Variants in PPP1R3F observed in about 807,000 individuals in gnomAD.
PPP1R3F encodes protein phosphatase 1, regulatory (inhibitor) subunit 3F.
In PPP1R3F, 29 loss-of-function variants were observed where a neutral mutation model predicts 24.2. That is an observed-to-expected ratio of 1.20 (90% confidence interval 0.89 to 1.63). The LOEUF is 1.63. Ranked by LOEUF, PPP1R3F falls within the 40% of genes most tolerant of loss-of-function variation. The pLI, the probability that PPP1R3F is intolerant of heterozygous loss-of-function variation, is 0.00. For synonymous variants in PPP1R3F, 363 were observed against 340.1 expected (o/e 1.07, Z -0.74); for missense variants, 823 against 729.3 (o/e 1.13, Z -1.48).
rs2066297313 is a variant in PPP1R3F, at chrX:49,287,863, CA to C, written c.*775del. The C allele has an allele frequency of 9.0e-6, 1 of 110,761 alleles. No individual in the cohort carries two copies. Among genetic ancestry groups the C allele is most frequent in the Non-Finnish European group, 1.9e-5 (1 of 52,973 alleles). 9.1% of individuals were successfully genotyped at this position (110,761 alleles called of 1,213,427 possible). On this transcript the variant is annotated 3_prime_UTR_variant, in exon 4 of 4. Transcript: ENST00000055335. ...GGGGACATCAGTTGTGAATCAGCCA[CA>C]AGGTTTTGAGGTTACTGAAAAAACA...
intron 1 of PPP1R3F, among the ~76,000 whole-genome samples, chrX:49,272,841 G>T (rs1005245380): frequency 1.1e-4 from 12 of 112,088 alleles, no homozygotes; most frequent in Non-Finnish European, 2.1e-4. Context: ...GAGACAGGTA[G>T]CTCAGAGAGA....
At chrX:49,293,812 A>T (rs1266313403) in intron 3 of PPP1R3F, among the ~76,000 whole-genome samples, 1 of 111,891 alleles carries the variant, frequency 8.9e-6, no homozygotes, top group Non-Finnish European at 1.9e-5. Context: ...CCTGAGCAAC[A>T]TGGAGAACCC....
chrX:49,291,263 A>G (rs2066307147), downstream of PPP1R3F, among the ~76,000 whole-genome samples: 1 of 94,711 alleles, frequency 1.1e-5, no homozygotes, highest in African/African-American at 3.7e-5. Flanking sequence ...TTGGGATTAC[A>G]GGCATGAGCA....
At chrX:49,283,281 G>T (rs1486095086) in intron 3 of PPP1R3F, among the ~76,000 whole-genome samples, 1 of 107,706 alleles carries the variant, frequency 9.3e-6, no homozygotes, top group East Asian at 2.9e-4. Flanking sequence ...TTTTGAGACA[G>T]AGTCTCACTC....
chrX:49,269,817 C>CTGCCCCCGCCGG lies in PPP1R3F; in HGVS notation c.-51_-40dup, dbSNP rs1186747394. Reference sequence around the variant, plus strand: ...CATTGGCTGCCCGCCCCTTCAGGCCCTGCCCCCGCCGGTCCCGCCGCCGGT... The same window carrying CTGCCCCCGCCGG: ...CATTGGCTGCCCGCCCCTTCAGGCCCTGCCCCCGCCGGTGCCCCCGCCGGTCCCGCCGCCGGT... On this transcript the variant is annotated 5_prime_UTR_variant, in exon 1 of 4. Coordinates refer to ENST00000055335, the MANE Select transcript of PPP1R3F (RefSeq NM_033215.5). The CTGCCCCCGCCGG allele has an allele frequency of 4.3e-5, 34 of 794,519 alleles. No homozygotes were observed. Among genetic ancestry groups the CTGCCCCCGCCGG allele is most frequent in the Non-Finnish European group, 6.2e-6 (4 of 643,510 alleles). 65.5% of individuals were successfully genotyped at this position (794,519 alleles called of 1,213,427 possible).
At chrX:49,300,477 G>GCT (rs2066334281) in intron 3 of PPP1R3F, among the ~76,000 whole-genome samples, 1 of 70,390 alleles carries the variant, frequency 1.4e-5, no homozygotes, top group Non-Finnish European at 2.4e-5. Flanking sequence ...TATTGCTGCT[G>GCT]TTTTTTTTTT....
At position 49,282,333 on chromosome X, in the gene PPP1R3F, G is replaced by A. The variant is rs142925282; in HGVS notation, c.1143+270G>A. Among the ~76,000 whole-genome samples the A allele has an allele frequency of 2.7e-3, 307 of 111,664 alleles. 1 individual carries two copies. Among genetic ancestry groups the A allele is most frequent in the Non-Finnish European group, 4.6e-3 (242 of 53,084 alleles). On this transcript the variant is annotated intron_variant, in intron 3 of 3. Transcript: ENST00000055335. ...ACATGCAAAAACGCTCTTTGAGGGG[G>A]CTTATGTGTTAGTAGGGTGAGACAT...
At chrX:49,289,964 G>A (rs1336852823), downstream of PPP1R3F, among the ~76,000 whole-genome samples, 4 of 111,140 alleles carry the variant, frequency 3.6e-5, no homozygotes, top group African/African-American at 1.3e-4. Flanking sequence ...AGCTACTTGG[G>A]AGGCTGAGGC....
At position 49,285,821 on chromosome X, in the gene PPP1R3F, G is replaced by A. The variant is rs373378654; in HGVS notation, c.1144-13G>A. 8.9e-7 allele frequency: 1 copy of A among 1,128,134 alleles called. No homozygotes were observed. The highest frequency in any genetic ancestry group is 1.2e-6 in the Non-Finnish European group (1 of 851,410). The allele number at this position is 1,128,134 out of a possible 1,213,427, so 93.0% of individuals were successfully genotyped here. A position where few individuals can be genotyped will look rare whatever the true frequency, so the allele number is the denominator to read the frequency against. On this transcript the variant is annotated splice_polypyrimidine_tract_variant and intron_variant, in intron 3 of 3. Transcript: ENST00000055335. Reference sequence around the variant, plus strand: ...GCTTTTTCTCTGCCCCCTTGCCCCGGCCATGGCTCCAGGTTTCTGACGTTC... The same window carrying A: ...GCTTTTTCTCTGCCCCCTTGCCCCGACCATGGCTCCAGGTTTCTGACGTTC...
chrX:49,291,972 C>T (rs1249774616), downstream of PPP1R3F, among the ~76,000 whole-genome samples: 3 of 108,935 alleles, frequency 2.8e-5, no homozygotes, highest in Non-Finnish European at 3.9e-5. Flanking sequence ...GTCAGGGAAG[C>T]CTGACTAAAG....
chrX:49,279,305 A>G (rs781963414), intron 1 of PPP1R3F, among the ~76,000 whole-genome samples: 5 of 112,563 alleles, frequency 4.4e-5, no homozygotes, highest in African/African-American at 1.3e-4. Flanking sequence ...CACTTAGAAC[A>G]GTGTGTAATG....
downstream of PPP1R3F, among the ~76,000 whole-genome samples, chrX:49,291,288 T>TTCTCTCTCTCTCTCTCTCTC (rs781932322): frequency 1.2e-3 from 62 of 50,585 alleles, no homozygotes; most frequent in African/African-American, 2.3e-3. Context: ...CAGCCTACTT[T>TTCTCTCTCTCTCTCTCTCTC]TCTCTCTCTC....
intron 1 of PPP1R3F, among the ~76,000 whole-genome samples, chrX:49,278,163 C>T (rs1253996498): frequency 4.5e-5 from 5 of 112,028 alleles, no homozygotes; most frequent in Non-Finnish European, 9.4e-5. Context: ...TAGCTGATTC[C>T]TGAGTGTTCT....
rs1158891757 is a variant in PPP1R3F, at chrX:49,286,210, G to C, written c.1520G>C (p.Gly507Ala). The change falls in exon 4 of 4, where the codon GGG (glycine) becomes GCG (alanine). Residue 507 changes from glycine to alanine, a missense_variant. Gly to Ala is a moderately conservative substitution (Grantham distance 60). Coordinates refer to ENST00000055335, the MANE Select transcript of PPP1R3F (RefSeq NM_033215.5). Reference protein sequence around the residue: ...SRLRAAVAAGGAGGGGEGSTD... With the variant: ...SRLRAAVAAGAAGGGGEGSTD... ...CTACGGGCTGCTGTGGCTGCGGGTGGGGCAGGGGGTGGTGGGGAGGGCTCC... is the reference window on the plus strand; with the variant it reads ...CTACGGGCTGCTGTGGCTGCGGGTGCGGCAGGGGGTGGTGGGGAGGGCTCC... 4.1e-6 allele frequency: 5 copies of C among 1,205,367 alleles called. No homozygotes were observed. In the African/African-American group the frequency reaches 8.8e-5, roughly 21 times the overall value.
intron 3 of PPP1R3F, 143 bp from the exon 4 acceptor site, chrX:49,285,691 C>T (rs782232455): frequency 3.1e-5 from 15 of 490,345 alleles, no homozygotes; most frequent in Admixed American, 1.0e-4. Context: ...TGACAGAGGG[C>T]GCTTTAAGGC....
downstream of PPP1R3F, among the ~76,000 whole-genome samples, chrX:49,292,025 G>A (rs1458649945): frequency 8.9e-6 from 1 of 111,914 alleles, no homozygotes; most frequent in Non-Finnish European, 1.9e-5. Context: ...CAACAGCGCA[G>A]CCATGGACGG....
chrX:49,275,770 G>T (rs782196607), intron 1 of PPP1R3F: 1 of 111,791 alleles, frequency 8.9e-6, no homozygotes, highest in African/African-American at 3.3e-5. Flanking sequence ...TTGAAATAAT[G>T]AGTTTGAGTA....
At chrX:49,270,942 C>T (rs2066175811) in intron 1 of PPP1R3F, 69 bp downstream of exon 1, 1 of 1,052,524 alleles carries the variant, frequency 9.5e-7, no homozygotes, top group South Asian at 2.2e-5. Flanking sequence ...GCATTCCGGC[C>T]CAGGAACCCC....
At position 49,286,141 on chromosome X, in the gene PPP1R3F, T is replaced by A; in HGVS notation, c.1451T>A (p.Ile484Asn). ...GSEELLGEDT[I>N]DQELEQLYLS... ...GAGGAGCTGCTCGGTGAGGACACCA[T>A]CGACCAGGAGCTGGAGCAGCTCTAC... Residue 484 changes from isoleucine to asparagine, a missense_variant, in exon 4 of 4, where the codon ATC (isoleucine) becomes AAC (asparagine). Coordinates refer to ENST00000055335, the MANE Select transcript of PPP1R3F (RefSeq NM_033215.5). The A allele has an allele frequency of 8.5e-7, 1 of 1,177,615 alleles. No individual in the cohort carries two copies. The highest frequency in any genetic ancestry group is 1.1e-6 in the Non-Finnish European group (1 of 876,764).
Sources: allele counts gnomAD v4.1 joint callset (sites outside exome capture counted in the v4.1 genomes callset), GRCh38; gene constraint gnomAD v4.1.1; transcripts MANE v1.5; gene names NCBI Gene and HGNC (gene_info 2026-07-23, HGNC 2026-07-21).